FYB1: variants seen among roughly 807,000 people sequenced by gnomAD.
FYB1 encodes FYN-binding protein 1.
In FYB1, 41 loss-of-function variants were observed where a neutral mutation model predicts 94.1. The observed-to-expected ratio is 0.44, with a 90% confidence interval of 0.34 to 0.57. The LOEUF is 0.57. FYB1 is among the 20% of genes least tolerant of loss of function. FYB1 has a pLI of 0.02. For missense variants in FYB1, 1,050 were observed against 976.8 expected (o/e 1.07, Z -1.00); for synonymous variants, 367 against 353.2 (o/e 1.04, Z -0.44).
chr5:39,121,134 T>C (rs553655793), intron 14 of FYB1, among the ~76,000 whole-genome samples: 1 of 150,882 alleles, frequency 6.6e-6, no homozygotes, highest in South Asian at 2.1e-4. Flanking sequence ...GTGTGACTCT[T>C]TGTTCCTAGA....
intron 3 of FYB1, among the ~76,000 whole-genome samples, chr5:39,153,104 G>C (rs371313419): frequency 6.6e-6 from 1 of 152,092 alleles, no homozygotes; most frequent in Non-Finnish European, 1.5e-5. Flanking sequence ...GGTGGTGATC[G>C]TGATAGTGGA....
At chr5:39,239,848 G>T (rs2150584974) in intron 1 of FYB1, among the ~76,000 whole-genome samples, 1 of 152,218 alleles carries the variant, frequency 6.6e-6, no homozygotes, top group African/African-American at 2.4e-5. Flanking sequence ...AGCCCAAATA[G>T]CCAAAGCAAT....
At position 39,126,073 on chromosome 5, in the gene FYB1, T is replaced by C. The variant is rs371551176; in HGVS notation, c.1970A>G (p.Lys657Arg). 6.2e-7 allele frequency: 1 copy of C among 1,613,484 alleles called. No individual in the cohort carries two copies. Among genetic ancestry groups the C allele is most frequent in the South Asian group, 1.1e-5 (1 of 91,068 alleles). Reference sequence around the variant, plus strand: ...ACTTTTCTTTCTGTCATCTTTTCCCTTTAACATCTTCAAAATCCCCCAGGA... The same window carrying C: ...ACTTTTCTTTCTGTCATCTTTTCCCCTTAACATCTTCAAAATCCCCCAGGA... ...TWSWGILKMLKGKDDRKKSIR... is the reference protein window; with the variant it reads ...TWSWGILKMLRGKDDRKKSIR... The change falls in exon 12 of 19, where the codon AAG becomes AGG. Residue 657 changes from lysine to arginine, a missense_variant. Lys to Arg is a conservative substitution (Grantham distance 26). Transcript: ENST00000512982.
At chr5:39,248,817 A>T (rs929427278) in intron 1 of FYB1, among the ~76,000 whole-genome samples, 5 of 152,150 alleles carry the variant, frequency 3.3e-5, no homozygotes, top group Non-Finnish European at 7.4e-5. Flanking sequence ...AGCCTGGATG[A>T]TGAAGTGAGA....
intron 2 of FYB1, among the ~76,000 whole-genome samples, chr5:39,192,150 A>G (rs753604405): frequency 4.6e-5 from 7 of 152,242 alleles, no homozygotes; most frequent in Non-Finnish European, 1.0e-4. Flanking sequence ...TAACACATAC[A>G]TTTGTCCAAT....
At chr5:39,166,068 A>T (rs1222249890) in intron 2 of FYB1, among the ~76,000 whole-genome samples, 1 of 152,212 alleles carries the variant, frequency 6.6e-6, no homozygotes, top group Non-Finnish European at 1.5e-5. Context: ...AGAAAACAGT[A>T]TGGAAATTTC....
upstream of FYB1, among the ~76,000 whole-genome samples, chr5:39,222,858 A>C (rs1034167166): frequency 6.6e-6 from 1 of 152,184 alleles, no homozygotes; most frequent in Non-Finnish European, 1.5e-5. Flanking sequence ...CAAGATGATG[A>C]TGCTGATAAT....
At chr5:39,191,697 T>C (rs952434820) in intron 2 of FYB1, among the ~76,000 whole-genome samples, 9 of 152,358 alleles carry the variant, frequency 5.9e-5, no homozygotes, top group Non-Finnish European at 7.3e-5. Flanking sequence ...ACTTTTTAAC[T>C]CTTTTTCTGT....
chr5:39,254,741 G>C (rs1292016644), intron 1 of FYB1, among the ~76,000 whole-genome samples: 2 of 152,150 alleles, frequency 1.3e-5, no homozygotes, highest in Admixed American at 1.3e-4. Flanking sequence ...AAATGCATCT[G>C]AAAACTAAAG....
intron 1 of FYB1, among the ~76,000 whole-genome samples, chr5:39,212,315 T>C (rs1472452571): frequency 6.7e-6 from 1 of 150,322 alleles, no homozygotes; most frequent in Non-Finnish European, 1.5e-5. Context: ...CTCAAAAAAA[T>C]AAAAAATAAA....
chr5:39,250,162 C>T (rs1751654436), intron 1 of FYB1, among the ~76,000 whole-genome samples: 1 of 152,186 alleles, frequency 6.6e-6, no homozygotes, highest in Admixed American at 6.5e-5. Flanking sequence ...AACCTCTTCT[C>T]TTTATAAACT....
chr5:39,207,558 G>A (rs982706649), intron 1 of FYB1, among the ~76,000 whole-genome samples: 1 of 152,194 alleles, frequency 6.6e-6, no homozygotes, highest in African/African-American at 2.4e-5. Context: ...GGCTGAGATG[G>A]CATGAAGGAC....
chr5:39,160,636 G>A (rs1344458819), intron 2 of FYB1, among the ~76,000 whole-genome samples: 2 of 152,164 alleles, frequency 1.3e-5, no homozygotes, highest in Non-Finnish European at 2.9e-5. Context: ...GTAAGGCACT[G>A]GGTAATTTAT....
At chr5:39,214,163 A>G (rs1360914446) in intron 1 of FYB1, among the ~76,000 whole-genome samples, 3 of 152,238 alleles carry the variant, frequency 2.0e-5, no homozygotes, top group Non-Finnish European at 4.4e-5. Flanking sequence ...ATTTTCTTTT[A>G]GTTAAAAATG....
intron 2 of FYB1, among the ~76,000 whole-genome samples, chr5:39,198,302 A>G (rs1443999750): frequency 6.6e-6 from 1 of 152,206 alleles, no homozygotes; most frequent in African/African-American, 2.4e-5. Flanking sequence ...TCTACATTAT[A>G]TGGCAAACAA....
At chr5:39,123,573 T>C (rs7736687) in intron 13 of FYB1, among the ~76,000 whole-genome samples, 13,547 of 152,122 alleles carry the variant, frequency 0.089, 1,968 homozygotes, top group African/African-American at 0.3. Flanking sequence ...TATTTTCAAA[T>C]TGATAACTGA....
rs1750877786 is a variant in FYB1 at position 39,234,582 on chromosome 5, C to CT, written c.-27-31596_-27-31595insA. Among the ~76,000 whole-genome samples, 9 of 152,244 alleles carry CT rather than the reference C, an allele frequency of 5.9e-5. No individual in the cohort carries two copies. In the South Asian group the frequency reaches 1.9e-3, roughly 32 times the overall value. ...ATTATAAATCATGCTACTATAAAGA[C>CT]ACATGTACACATATGTTTATTGCAG... On this transcript the variant is annotated intron_variant, in intron 1 of 1. Coordinates refer to the FYB1 transcript ENST00000510188.
chr5:39,196,216 T>C (rs1747824906), intron 2 of FYB1, among the ~76,000 whole-genome samples: 1 of 150,506 alleles, frequency 6.6e-6, no homozygotes, highest in African/African-American at 2.4e-5. Context: ...TTCTTTTTTT[T>C]TTTTTTTTTT....
intron 2 of FYB1, 36 bp downstream of exon 2, chr5:39,201,789 TA>T: frequency 6.4e-7 from 1 of 1,555,224 alleles, no homozygotes; most frequent in Non-Finnish European, 8.7e-7. Flanking sequence ...TGCCTTGGAG[TA>T]AACCATACTG....
Sources: gnomAD v4.1 joint callset for allele counts (sites outside exome capture counted in the v4.1 genomes callset) on GRCh38, gnomAD v4.1.1 for gene constraint, MANE v1.5 for transcripts, NCBI Gene and HGNC (gene_info 2026-07-23, HGNC 2026-07-21) for gene names.